Variants in RELN observed in about 807,000 individuals in gnomAD.
RELN encodes reelin.
RELN carries 108 observed loss-of-function variants against 427.6 expected under a neutral mutation model. The observed-to-expected ratio is 0.25, with a 90% confidence interval of 0.22 to 0.30. The LOEUF (loss-of-function observed/expected upper bound fraction) is 0.30, where lower values mean the gene tolerates loss of function less well. Among genes scored for constraint, RELN ranks in the 10% least tolerant of loss-of-function variants. RELN has a pLI of 1.00. For synonymous variants in RELN, 1,524 were observed against 1,513.4 expected (o/e 1.01, Z -0.16); for missense variants, 3,715 against 4,302.8 (o/e 0.86, Z 3.82).
intron 2 of RELN, among the ~76,000 whole-genome samples, chr7:103,841,351 C>T (rs980547463): frequency 6.6e-6 from 1 of 152,132 alleles, no homozygotes; most frequent in Non-Finnish European, 1.5e-5. Context: ...CATTGTCATA[C>T]AAACCTTGGG....
intron 5 of RELN, among the ~76,000 whole-genome samples, chr7:103,750,048 T>C (rs562444): frequency 0.54 from 81,555 of 151,934 alleles, 22,111 homozygotes; most frequent in African/African-American, 0.58. Flanking sequence ...GGCATGATCT[T>C]GGCTCACTGC....
chr7:103,933,012 C>A (rs113897813), intron 1 of RELN, among the ~76,000 whole-genome samples: 288 of 152,250 alleles, frequency 1.9e-3, no homozygotes, highest in African/African-American at 6.7e-3. Flanking sequence ...AAATGTGCAA[C>A]AACTGCCCCT....
chr7:103,717,260 G>T (rs1789961013), intron 8 of RELN, among the ~76,000 whole-genome samples: 2 of 150,578 alleles, frequency 1.3e-5, no homozygotes, highest in African/African-American at 4.9e-5. Flanking sequence ...TTAAGAATTT[G>T]GGGTGAGGTG....
chr7:103,748,038 A>T (rs1400602411), intron 6 of RELN, among the ~76,000 whole-genome samples: 7 of 152,110 alleles, frequency 4.6e-5, no homozygotes, highest in Non-Finnish European at 7.4e-5. Flanking sequence ...ATTTGCCCTG[A>T]AAGAAACAAA....
At chr7:103,637,791 A>G (rs1832614940) in intron 17 of RELN, among the ~76,000 whole-genome samples, 1 of 152,210 alleles carries the variant, frequency 6.6e-6, no homozygotes, top group Admixed American at 6.5e-5. Flanking sequence ...AACACATTTT[A>G]AAGTCAGGAA....
chr7:103,516,153 C>T (rs1358484224), intron 49 of RELN, among the ~76,000 whole-genome samples: 1 of 152,110 alleles, frequency 6.6e-6, no homozygotes, highest in Non-Finnish European at 1.5e-5. Flanking sequence ...GAAATAAGGT[C>T]TAAAATGCCC....
rs1167138017 is a variant in RELN, at chr7:103,604,475, G to A, written c.3017C>T (p.Ala1006Val). ...GCTCTGGCTCCAGCGGAAACGGGTA[G>A]CACTGGACCTAGAAACACGGTATAG... ...VLLPQKTWSS[A>V]TRFRWSQSYY... Residue 1006 changes from alanine to valine, a missense_variant, in exon 23 of 65, where the codon GCT (alanine) becomes GTT (valine). Around this residue, in one of 4 missense-constraint regions of RELN, gnomAD observed 2,208 missense variants for 2,361.7 expected, o/e 0.93. Coordinates refer to ENST00000428762, the MANE Select transcript of RELN (RefSeq NM_005045.4). 1 of 1,613,880 alleles carries A rather than the reference G, an allele frequency of 6.2e-7. No homozygotes were observed. The highest frequency in any genetic ancestry group is 1.1e-5 in the South Asian group (1 of 91,084).
chr7:103,718,199 CG>C (rs1230996100), intron 8 of RELN, among the ~76,000 whole-genome samples: 1 of 151,950 alleles, frequency 6.6e-6, no homozygotes, highest in Middle Eastern at 3.4e-3. Context: ...TCTGAGACTC[CG>C]TAGCATGTAC....
chr7:103,574,386 T>A, intron 29 of RELN, 87 bp from the exon 30 acceptor site: 5 of 1,092,876 alleles, frequency 4.6e-6, no homozygotes, highest in Non-Finnish European at 6.9e-6. Context: ...AGGAAGAATG[T>A]CCATAGGGAT....
intron 9 of RELN, 70 bp from the exon 10 acceptor site, chr7:103,698,163 C>T (rs1205953187): frequency 6.3e-7 from 1 of 1,587,484 alleles, no homozygotes; most frequent in East Asian, 2.2e-5. Context: ...AATTTTGTTT[C>T]TTAAGGTTGT....
chr7:103,492,421 A>G (rs929538213), intron 57 of RELN, among the ~76,000 whole-genome samples: 5 of 152,190 alleles, frequency 3.3e-5, no homozygotes, highest in Non-Finnish European at 7.3e-5. Flanking sequence ...TTTTAGTTGG[A>G]ATTAAAATCA....
intron 1 of RELN, among the ~76,000 whole-genome samples, chr7:103,954,675 T>C (rs1796398898): frequency 6.6e-6 from 1 of 152,198 alleles, no homozygotes; most frequent in Non-Finnish European, 1.5e-5. Flanking sequence ...AAGAAGTATA[T>C]TTAGCATAAA....
chr7:103,788,161 A>G (rs1291919349), intron 3 of RELN, among the ~76,000 whole-genome samples: 1 of 152,230 alleles, frequency 6.6e-6, no homozygotes, highest in Non-Finnish European at 1.5e-5. Flanking sequence ...AAAACACTCA[A>G]TAAACTAGGT....
At chr7:103,774,015 G>T (rs371601489) in intron 4 of RELN, among the ~76,000 whole-genome samples, 1 of 152,068 alleles carries the variant, frequency 6.6e-6, no homozygotes, top group African/African-American at 2.4e-5. Context: ...ATGACTTTCG[G>T]TAGGGTGCGG....
At chr7:103,862,257 T>C (rs1794086496) in intron 2 of RELN, among the ~76,000 whole-genome samples, 2 of 152,180 alleles carry the variant, frequency 1.3e-5, no homozygotes, top group South Asian at 4.1e-4. Flanking sequence ...AGTTGAAATA[T>C]TGCAGCATTA....
chr7:103,663,243 T>C (rs530636501), intron 11 of RELN, among the ~76,000 whole-genome samples: 2 of 152,182 alleles, frequency 1.3e-5, no homozygotes, highest in African/African-American at 2.4e-5. Flanking sequence ...TTTCTTTACA[T>C]GCCTTTCTTT....
At chr7:103,861,521 G>A (rs1794071547) in intron 2 of RELN, among the ~76,000 whole-genome samples, 1 of 152,124 alleles carries the variant, frequency 6.6e-6, no homozygotes, top group South Asian at 2.1e-4. Flanking sequence ...GTAACATGTA[G>A]TTGCTGCAGT....
At chr7:103,857,749 A>G (rs1401795373) in intron 2 of RELN, among the ~76,000 whole-genome samples, 1 of 152,174 alleles carries the variant, frequency 6.6e-6, no homozygotes, top group Non-Finnish European at 1.5e-5. Flanking sequence ...ACTGCACTAA[A>G]CACCACCAAT....
intron 22 of RELN, among the ~76,000 whole-genome samples, chr7:103,605,076 C>T (rs189882152): frequency 2.0e-4 from 31 of 152,254 alleles, no homozygotes; most frequent in African/African-American, 7.2e-4. Flanking sequence ...ATAATCCACC[C>T]GCCTTGGCCT....
Sources: allele counts gnomAD v4.1 joint callset (sites outside exome capture counted in the v4.1 genomes callset), GRCh38; gene constraint gnomAD v4.1.1; regional missense constraint gnomAD v4.1.1; transcripts MANE v1.5; gene names NCBI Gene and HGNC (gene_info 2026-07-23, HGNC 2026-07-21).